AKR1E2: variants seen among roughly 807,000 people sequenced by gnomAD.
AKR1E2 encodes the protein aldo-keto reductase family 1 member E2.
Under a neutral mutation model 41.9 loss-of-function variants are expected in AKR1E2, and 43 were observed. That is an observed-to-expected ratio of 1.03 (90% CI 0.80 to 1.32). The LOEUF (loss-of-function observed/expected upper bound fraction) is 1.32, where lower values mean the gene tolerates loss of function less well. Ranked by LOEUF, AKR1E2 falls within the 40% of genes most tolerant of loss-of-function variation. The pLI is 0.00. For missense variants in AKR1E2, 423 were observed against 396.5 expected (o/e 1.07, Z -0.57); for synonymous variants, 121 against 138.9 (o/e 0.87, Z 0.91).
the AKR1E2 span, among the ~76,000 whole-genome samples, chr10:4,868,454 T>G: frequency 1.3e-5 from 2 of 152,206 alleles, no homozygotes; most frequent in Non-Finnish European, 2.9e-5. Context: ...TAGTCAGTTA[T>G]CTTGCTGACA....
intron 5 of AKR1E2, 100 bp downstream of exon 5, chr10:4,837,681 C>A (rs911677520): frequency 2.6e-5 from 40 of 1,512,520 alleles, no homozygotes; most frequent in Non-Finnish European, 3.5e-5. Context: ...GGGTGAAGCA[C>A]AAAACAGGCC....
At chr10:4,839,313 A>G (rs565772408) in intron 5 of AKR1E2, among the ~76,000 whole-genome samples, 65 of 152,338 alleles carry the variant, frequency 4.3e-4, no homozygotes, top group African/African-American at 1.3e-3. Context: ...AAAAATCTCT[A>G]TCTTCATGAG....
the AKR1E2 span, among the ~76,000 whole-genome samples, chr10:4,855,785 G>A: frequency 1.3e-5 from 2 of 152,162 alleles, no homozygotes; most frequent in Admixed American, 6.5e-5. Flanking sequence ...AAGATTATTG[G>A]TAAAATAAAT....
At chr10:4,860,628 C>T in the AKR1E2 span, among the ~76,000 whole-genome samples, 6 of 152,080 alleles carry the variant, frequency 3.9e-5, no homozygotes, top group East Asian at 3.9e-4. Context: ...TTTACTAATA[C>T]GATGTATACA....
the AKR1E2 span, among the ~76,000 whole-genome samples, chr10:4,861,564 T>A: frequency 6.6e-6 from 1 of 152,060 alleles, no homozygotes; most frequent in Non-Finnish European, 1.5e-5. Context: ...CGATGGGGTC[T>A]CACCATTTTG....
chr10:4,857,018 C>T, the AKR1E2 span, among the ~76,000 whole-genome samples: 13 of 152,264 alleles, frequency 8.5e-5, no homozygotes, highest in South Asian at 2.3e-3. Context: ...CTCCTCCAAC[C>T]CCTGGCAACC....
At chr10:4,835,653 T>G in intron 3 of AKR1E2, 22 bp from the exon 4 acceptor site, 1 of 1,593,446 alleles carries the variant, frequency 6.3e-7, no homozygotes, top group Non-Finnish European at 8.5e-7. Context: ...TTTTCACACA[T>G]CTCAACTCTC....
intron 8 of AKR1E2, 146 bp downstream of exon 8, chr10:4,842,650 C>T (rs1833982296): frequency 3.0e-6 from 2 of 665,418 alleles, no homozygotes; most frequent in African/African-American, 1.8e-5. Flanking sequence ...GGTGGTTGAC[C>T]TTCCCTCAGC....
At chr10:4,830,888 A>G (rs368669148) in intron 2 of AKR1E2, 46 bp downstream of exon 2, 16 of 1,606,820 alleles carry the variant, frequency 1.0e-5, no homozygotes, top group Non-Finnish European at 1.4e-5. Context: ...GTAATGCTAC[A>G]TCTCTGGAGG....
chr10:4,826,211 C>CA lies in AKR1E2; in HGVS notation c.-112dup. 1 of 806,344 alleles carries CA rather than the reference C, an allele frequency of 1.2e-6. No individual in the cohort carries two copies. Among genetic ancestry groups the CA allele is most frequent in the Non-Finnish European group, 1.7e-6 (1 of 598,372 alleles). The allele number at this position is 806,344 out of a possible 1,614,324, so 49.9% of individuals were successfully genotyped here. Reference sequence around the variant, plus strand: ...GCCATTGTCGGAGTGTCAGCCGTCACAAGGCACTTCCAGCCAGTCGCAACG... The same window carrying CA: ...GCCATTGTCGGAGTGTCAGCCGTCACAAAGGCACTTCCAGCCAGTCGCAACG... On this transcript the variant is annotated 5_prime_UTR_variant, in exon 1 of 10. Transcript: ENST00000298375.
intron 8 of AKR1E2, among the ~76,000 whole-genome samples, chr10:4,845,142 C>T (rs1264482304): frequency 6.6e-6 from 1 of 152,222 alleles, no homozygotes; most frequent in Non-Finnish European, 1.5e-5. Context: ...GCACGCCCTC[C>T]TCAGCCGCTG....
chr10:4,832,481 T>C (rs1286772201), intron 2 of AKR1E2, among the ~76,000 whole-genome samples: 1 of 152,196 alleles, frequency 6.6e-6, no homozygotes, highest in Admixed American at 6.5e-5. Flanking sequence ...TTTCTAAGGC[T>C]CACCCTGCAA....
At chr10:4,827,075 G>GAAA (rs5782783) in intron 1 of AKR1E2, among the ~76,000 whole-genome samples, 4,108 of 123,012 alleles carry the variant, frequency 0.033, 98 homozygotes, top group East Asian at 0.071. Flanking sequence ...GACCTTGCTG[G>GAAA]AAAAAAAAAA....
At chr10:4,864,389 G>A in the AKR1E2 span, among the ~76,000 whole-genome samples, 2 of 151,190 alleles carry the variant, frequency 1.3e-5, no homozygotes, top group African/African-American at 2.5e-5. Flanking sequence ...ATGCAGAAAA[G>A]GCCTTTGACA....
chr10:4,859,805 G>A, the AKR1E2 span, among the ~76,000 whole-genome samples: 4 of 152,224 alleles, frequency 2.6e-5, no homozygotes, highest in Non-Finnish European at 2.9e-5. Context: ...CTGGAGAGGA[G>A]AATAGACAGG....
chr10:4,847,126 A>G, intron 8 of AKR1E2, 22 bp from the exon 9 acceptor site: 6 of 1,613,804 alleles, frequency 3.7e-6, no homozygotes, highest in Non-Finnish European at 4.2e-6. Flanking sequence ...AGTTTTCTAC[A>G]AACATTGTGT....
chr10:4,839,829 A>G lies in AKR1E2; in HGVS notation c.680+3A>G. On this transcript the variant is annotated splice_donor_region_variant and intron_variant, in intron 6 of 9. Transcript: ENST00000298375. The stretch of plus-strand genomic sequence containing the variant: ...TACCGTCCTCTTGGTGGCTCGTGGT[A>G]AGGATACCTCAGTGGTGTGTTAGTC... 1 of 1,613,132 alleles carries G rather than the reference A, an allele frequency of 6.2e-7. No individual in the cohort carries two copies. Among genetic ancestry groups the G allele is most frequent in the Non-Finnish European group, 8.5e-7 (1 of 1,179,156 alleles).
At chr10:4,849,231 A>G (rs1436511400), downstream of AKR1E2, among the ~76,000 whole-genome samples, 1 of 152,142 alleles carries the variant, frequency 6.6e-6, no homozygotes, top group Non-Finnish European at 1.5e-5. Flanking sequence ...GAAATGGGAG[A>G]GTCTCTTGAC....
At chr10:4,864,962 A>G in the AKR1E2 span, among the ~76,000 whole-genome samples, 6 of 152,224 alleles carry the variant, frequency 3.9e-5, no homozygotes, top group South Asian at 2.1e-4. Context: ...ATTCCTACAT[A>G]TCTATGTACC....
Sources: allele counts gnomAD v4.1 joint callset (sites outside exome capture counted in the v4.1 genomes callset), GRCh38; gene constraint gnomAD v4.1.1; transcripts MANE v1.5; gene names NCBI Gene and HGNC (gene_info 2026-07-23, HGNC 2026-07-21).